The following SLC35F5 variants were observed in gnomAD, a reference collection of about 807,000 sequenced individuals.
The protein encoded by SLC35F5 is solute carrier family 35 member F5.
SLC35F5 carries 54 observed loss-of-function variants against 68.6 expected under a neutral mutation model. That is an observed-to-expected ratio of 0.79 (90% CI 0.63 to 0.99). The LOEUF (loss-of-function observed/expected upper bound fraction) is 0.99. Ranked by LOEUF, SLC35F5 falls within the 50% of genes least tolerant of loss-of-function variation. The pLI, the probability that SLC35F5 is intolerant of heterozygous loss-of-function variation, is 0.00. For synonymous variants in SLC35F5, 211 were observed against 205.2 expected, an observed-to-expected ratio of 1.03 and a Z score of -0.24; for missense variants, 567 against 626.9, an observed-to-expected ratio of 0.90 and a Z score of 1.02.
chr2:113,739,944 A>G (rs1486486721), intron 7 of SLC35F5, among the ~76,000 whole-genome samples: 1 of 152,256 alleles, frequency 6.6e-6, no homozygotes, highest in Non-Finnish European at 1.5e-5. Context: ...AGAAAATCAT[A>G]AGAAAGAATA....
rs1280600532 is a variant in SLC35F5, at chr2:113,743,694, A to G, written c.562+19T>C. 3.1e-6 allele frequency: 5 copies of G among 1,600,774 alleles called. No homozygotes were observed. Among genetic ancestry groups the G allele is most frequent in the African/African-American group, 1.3e-5 (1 of 74,654 alleles). ...TTGAATAAAGGTAAACTTTCTACCC[A>G]TTTCCAAGTTTTGCTTACTTTTTTC... On this transcript the variant is annotated intron_variant, in intron 6 of 15. Coordinates refer to ENST00000245680, the MANE Select transcript of SLC35F5 (RefSeq NM_025181.5).
downstream of SLC35F5, among the ~76,000 whole-genome samples, chr2:113,702,945 C>A (rs376261465): frequency 2.0e-5 from 3 of 151,908 alleles, no homozygotes; most frequent in East Asian, 5.8e-4. Flanking sequence ...CTCATTGCTA[C>A]TAAAAATCAA....
intron 14 of SLC35F5, 63 bp downstream of exon 14, chr2:113,719,091 G>C: frequency 1.4e-6 from 2 of 1,451,782 alleles, no homozygotes; most frequent in East Asian, 2.3e-5. Context: ...AGGCCAGCAT[G>C]ATGCAATTCT....
chr2:113,720,728 G>A lies in SLC35F5; in HGVS notation c.1342-1420C>T, dbSNP rs575389200. ...GGTATTAAGAAGTTATAAATAATGC[G>A]ATTAAAAATGTAGATATAGTTGATA... is the stretch of plus-strand genomic sequence containing the variant. On this transcript the variant is annotated intron_variant, in intron 13 of 15. Transcript: ENST00000245680. 9.9e-5 allele frequency among the ~76,000 whole-genome samples: 15 copies of A among 152,168 alleles called. No individual in the cohort carries two copies. The South Asian group carries it at 1.0e-3, about 11-fold the overall frequency.
chr2:113,711,209 TAC>T lies in SLC35F5; in HGVS notation c.*4007_*4008del, dbSNP rs902426637. 4.6e-5 allele frequency among the ~76,000 whole-genome samples: 7 copies of T among 152,208 alleles called. No homozygotes were observed. Among genetic ancestry groups the T allele is most frequent in the African/African-American group, 1.4e-4 (6 of 41,452 alleles). On this transcript the variant is annotated 3_prime_UTR_variant, in exon 16 of 16. Coordinates refer to ENST00000245680, the MANE Select transcript of SLC35F5 (RefSeq NM_025181.5). The stretch of plus-strand genomic sequence containing the variant: ...TTCAAAATGCTGTTATTGGAAATGT[TAC>T]CATTTCACATGAACATTCCAGTAAA...
chr2:113,755,783 C>T, intron 1 of SLC35F5: 4 of 1,419,008 alleles, frequency 2.8e-6, no homozygotes, highest in Non-Finnish European at 2.9e-6. Flanking sequence ...ATACAACATA[C>T]GGCACATTTA....
Position 113,711,763 on chromosome 2 carries a change from T to C in SLC35F5, c.*3455A>G, listed in dbSNP as rs1166152244. ...CTCCTCCTAAAATATTATTTAGTAA[T>C]AAAGAATATTTCAAAAGGAGAGTAG... On this transcript the variant is annotated 3_prime_UTR_variant, in exon 16 of 16. Transcript: ENST00000245680. Among the ~76,000 whole-genome samples, 1 of 150,954 alleles carries C rather than the reference T, an allele frequency of 6.6e-6. No individual in the cohort carries two copies. The highest frequency in any genetic ancestry group is 1.5e-5 in the Non-Finnish European group (1 of 67,736).
intron 11 of SLC35F5, among the ~76,000 whole-genome samples, chr2:113,726,593 A>C (rs575823001): frequency 6.6e-6 from 1 of 152,202 alleles, no homozygotes; most frequent in African/African-American, 2.4e-5. Flanking sequence ...ACAGGGCAGG[A>C]GCACCCACTC....
At chr2:113,749,891 T>C (rs1442647480) in intron 4 of SLC35F5, among the ~76,000 whole-genome samples, 1 of 152,220 alleles carries the variant, frequency 6.6e-6, no homozygotes, top group Non-Finnish European at 1.5e-5. Flanking sequence ...TTTCTACTTC[T>C]ATAAGGAAGA....
chr2:113,754,739 G>A (rs11901060), intron 3 of SLC35F5, among the ~76,000 whole-genome samples: 75,050 of 151,984 alleles, frequency 0.49, 19,165 homozygotes, highest in Middle Eastern at 0.66. Context: ...CATGGGCATT[G>A]TAACAGTGAC....
chr2:113,725,126 G>A (rs546667733), intron 12 of SLC35F5, among the ~76,000 whole-genome samples: 138 of 152,190 alleles, frequency 9.1e-4, no homozygotes, highest in African/African-American at 3.2e-3. Flanking sequence ...TACAGATTTA[G>A]ACCATTCATA....
At chr2:113,735,929 T>G in intron 7 of SLC35F5, 71 bp from the exon 8 acceptor site, 1 of 997,914 alleles carries the variant, frequency 1.0e-6, no homozygotes, top group Non-Finnish European at 1.5e-6. Context: ...AATTCAGAAT[T>G]CCCTTTTTTG....
intron 7 of SLC35F5, among the ~76,000 whole-genome samples, chr2:113,741,067 G>A (rs141825617): frequency 9.0e-4 from 137 of 152,312 alleles, no homozygotes; most frequent in Non-Finnish European, 1.5e-3. Flanking sequence ...ACAAAAGATG[G>A]TATATCTGTA....
Position 113,746,327 on chromosome 2 carries a change from C to A in SLC35F5, c.430G>T (p.Glu144Ter). Reference protein sequence around the residue: ...GKHAAFFADAEGYFAACTTDT... With the variant: ...GKHAAFFADA ...GTTGTGCAAGCAGCAAAGTAACCTT[C>A]AGCATCTGCAAACTAAATACAGATA... The change falls in exon 5 of 16, where the codon GAA (glutamate) becomes TAA (stop). Residue 144 changes from glutamate (E) to a stop codon, truncating the protein, a stop_gained. Transcript: ENST00000245680. LOFTEE classifies it high-confidence loss of function. 6.2e-7 allele frequency: 1 copy of A among 1,612,570 alleles called. No homozygotes were observed. The highest frequency in any genetic ancestry group is 8.5e-7 in the Non-Finnish European group (1 of 1,179,136).
At position 113,754,305 on chromosome 2, in the gene SLC35F5, GAAA is replaced by G. The variant is rs375660155; in HGVS notation, c.273+857_273+859del. Among the ~76,000 whole-genome samples the G allele has an allele frequency of 1.0e-3, 123 of 117,508 alleles. 2 individuals are homozygous for G. Among genetic ancestry groups the G allele is most frequent in the Non-Finnish European group, 2.5e-4 (14 of 55,464 alleles). The allele number at this position is 117,508 out of a possible 152,430, so 77.1% of individuals were successfully genotyped here. On this transcript the variant is annotated intron_variant, in intron 3 of 15. Transcript: ENST00000245680. ...GCAAGACTCCATCTCAAAAAAAAAA[GAAA>G]AAAAAAAAAAAACTTATATACTCAT...
At chr2:113,706,482 A>C (rs1686801324), downstream of SLC35F5, among the ~76,000 whole-genome samples, 1 of 152,202 alleles carries the variant, frequency 6.6e-6, no homozygotes, top group Admixed American at 6.5e-5. Context: ...TTTTGGAGGA[A>C]AAGTTCAATG....
chr2:113,725,256 G>C, intron 12 of SLC35F5, 122 bp downstream of exon 12: 1 of 843,190 alleles, frequency 1.2e-6, no homozygotes, highest in Non-Finnish European at 1.9e-6. Flanking sequence ...AAAGTATTCA[G>C]TTGTATGTGT....
Position 113,755,468 on chromosome 2 carries a change from C to G in SLC35F5, c.117G>C (p.Arg39Ser). The change falls in exon 2 of 16, where the codon AGG becomes AGC. Residue 39 changes from arginine to serine, a missense_variant. Coordinates refer to ENST00000245680, the MANE Select transcript of SLC35F5 (RefSeq NM_025181.5). ...FSGIALEDLR[R>S]ALKTRLQMVC... ...GTGGAATCTACCTTGTCTTAAGAGC[C>G]CTTCTGAGATCCTCAAGAGCAATGC... 1 of 1,614,038 alleles carries G rather than the reference C, an allele frequency of 6.2e-7. No homozygotes were observed.
At chr2:113,742,630 T>A in intron 7 of SLC35F5, 62 bp downstream of exon 7, 1 of 1,502,644 alleles carries the variant, frequency 6.7e-7, no homozygotes, top group East Asian at 2.3e-5. Context: ...ATTGTTGGTA[T>A]GTATACAGTC....
Sources: gnomAD v4.1 joint callset for allele counts (sites outside exome capture counted in the v4.1 genomes callset) on GRCh38, gnomAD v4.1.1 for gene constraint, MANE v1.5 for transcripts, NCBI Gene and HGNC (gene_info 2026-07-23, HGNC 2026-07-21) for gene names.